The following OR52E5 variants were observed in gnomAD, a reference collection of about 807,000 sequenced individuals.
OR52E5 encodes olfactory receptor family 52 subfamily E member 5.
intron 2 of OR52E5, among the ~76,000 whole-genome samples, chr11:5,896,246 T>TAAAAAAAAAAAAAA (rs56197568): frequency 1.9e-5 from 1 of 53,556 alleles, no homozygotes; most frequent in African/African-American, 9.0e-5. Context: ...TCGTCTCTAC[T>TAAAAAAAAAAAAAA]AAAAAAAAAA....
intron 2 of OR52E5, among the ~76,000 whole-genome samples, chr11:5,897,355 A>G (rs1564996714): frequency 1.3e-5 from 2 of 152,132 alleles, no homozygotes; most frequent in Non-Finnish European, 2.9e-5. Context: ...CCCATTGTTT[A>G]TCTCCCACTT....
chr11:5,901,894 A>C lies in OR52E5; in HGVS notation c.*134A>C, dbSNP rs1473054972. On this transcript the variant is annotated 3_prime_UTR_variant, in exon 3 of 3. Transcript: ENST00000610445. ...CGGTCTGTTGGAAGTTATAGCTCAA[A>C]GATTCCAAAACAATCTCTCTGTTTC... 2.5e-6 allele frequency: 1 copy of C among 398,510 alleles called. No homozygotes were observed. The highest frequency in any genetic ancestry group is 4.4e-6 in the Non-Finnish European group (1 of 225,104). The allele number at this position is 398,510 out of a possible 1,614,324, so 24.7% of individuals were successfully genotyped here. A position where few individuals can be genotyped will look rare whatever the true frequency, so the allele number is the denominator to read the frequency against.
chr11:5,893,747 G>A (rs555879017), intron 1 of OR52E5, among the ~76,000 whole-genome samples: 2 of 152,052 alleles, frequency 1.3e-5, no homozygotes, highest in Non-Finnish European at 2.9e-5. Flanking sequence ...TGCCTCATCT[G>A]AGGTCATGTC....
chr11:5,897,804 T>C (rs965673190), intron 2 of OR52E5, among the ~76,000 whole-genome samples: 4 of 152,196 alleles, frequency 2.6e-5, no homozygotes, highest in Admixed American at 1.3e-4. Context: ...TTTTTAATAA[T>C]AACCATTCTG....
At chr11:5,896,534 T>C (rs565580649) in intron 2 of OR52E5, among the ~76,000 whole-genome samples, 5 of 152,124 alleles carry the variant, frequency 3.3e-5, no homozygotes, top group South Asian at 2.1e-4. Context: ...ATGAAATACA[T>C]TGTATGAGAA....
rs1230494569 is a variant in OR52E5, at chr11:5,901,438, T to C, written c.662T>C (p.Leu221Pro). The change falls in exon 3 of 3, where the codon CTC becomes CCC. Residue 221 changes from leucine to proline, a missense_variant. Leu to Pro is a moderately conservative substitution (Grantham distance 98). Coordinates refer to ENST00000610445, the MANE Select transcript of OR52E5 (RefSeq NM_001005166.5). ...SVIGFSYVQI[L>P]RAVFHLPAWD... ...ATTGGATTTTCCTATGTCCAGATCC[T>C]CCGAGCTGTCTTCCATCTCCCAGCC... 1.0e-5 allele frequency: 4 copies of C among 401,582 alleles called. No homozygotes were observed. The highest frequency in any genetic ancestry group is 8.8e-6 in the Non-Finnish European group (2 of 226,374). 24.9% of individuals were successfully genotyped at this position (401,582 alleles called of 1,614,324 possible).
chr11:5,900,516 T>A (rs1847234795), intron 2 of OR52E5, 116 bp from the exon 3 acceptor site: 2 of 311,120 alleles, frequency 6.4e-6, no homozygotes, highest in Admixed American at 5.0e-5. Context: ...AGGAAAGACA[T>A]GGGAAGTGCA....
chr11:5,893,815 T>C (rs183203701), intron 1 of OR52E5, among the ~76,000 whole-genome samples: 54 of 152,024 alleles, frequency 3.6e-4, no homozygotes, highest in Admixed American at 1.3e-3. Flanking sequence ...ACAAAAAAAA[T>C]AAAAAAGGCT....
intron 2 of OR52E5, among the ~76,000 whole-genome samples, chr11:5,896,858 A>G (rs1847182712): frequency 6.6e-6 from 1 of 152,196 alleles, no homozygotes; most frequent in Non-Finnish European, 1.5e-5. Flanking sequence ...GTAAATGGGG[A>G]CAGAAGTGCC....
Position 5,902,085 on chromosome 11 carries a change from G to C in OR52E5, c.*325G>C, listed in dbSNP as rs1291792017. ...CATATCCAAAGCTGAAGTTCATGAC[G>C]ATTAAAATGATGTGGTATTTCATCA... On this transcript the variant is annotated 3_prime_UTR_variant, in exon 3 of 3. Coordinates refer to ENST00000610445, the MANE Select transcript of OR52E5 (RefSeq NM_001005166.5). 1 of 185,834 alleles carries C rather than the reference G, an allele frequency of 5.4e-6. No homozygotes were observed. The highest frequency in any genetic ancestry group is 2.3e-5 in the African/African-American group (1 of 42,832). The allele number at this position is 185,834 out of a possible 1,614,324, so 11.5% of individuals were successfully genotyped here.
At position 5,901,325 on chromosome 11, in the gene OR52E5, C is replaced by G. The variant is rs979560018; in HGVS notation, c.549C>G (p.His183Gln). 2.5e-6 allele frequency: 1 copy of G among 401,508 alleles called. No homozygotes were observed. The highest frequency in any genetic ancestry group is 2.1e-5 in the African/African-American group (1 of 48,602). The allele number at this position is 401,508 out of a possible 1,614,324, so 24.9% of individuals were successfully genotyped here. Reference sequence around the variant, plus strand: ...TTATCCCTCATACCTATTGTGAACACATGGGCTTGGCAAAGTTAGCTTGTG... The same window carrying G: ...TTATCCCTCATACCTATTGTGAACAGATGGGCTTGGCAAAGTTAGCTTGTG... The part of the protein sequence containing the change: ...VRIIPHTYCE[H>Q]MGLAKLACAS... Residue 183 changes from histidine (H) to glutamine (Q), a missense_variant, in exon 3 of 3, where the codon CAC (histidine) becomes CAG (glutamine). Physicochemically the swap from His to Gln is conservative, Grantham distance 24 (BLOSUM62 0). Transcript: ENST00000610445.
At chr11:5,899,111 G>T (rs936197454) in intron 2 of OR52E5, among the ~76,000 whole-genome samples, 1 of 152,040 alleles carries the variant, frequency 6.6e-6, no homozygotes, top group Non-Finnish European at 1.5e-5. Context: ...TCTTTCATTG[G>T]TGTTTTTTAG....
Position 5,896,420 on chromosome 11 carries a change from C to CAA in OR52E5, c.-146+724_-146+725dup, listed in dbSNP as rs11333518. 7.6e-3 allele frequency among the ~76,000 whole-genome samples: 796 copies of CAA among 104,562 alleles called. 6 individuals carry two copies. Among genetic ancestry groups the CAA allele is most frequent in the African/African-American group, 0.026 (740 of 28,162 alleles). The allele number at this position is 104,562 out of a possible 152,430, so 68.6% of individuals were successfully genotyped here. ...TGGGCGACAGAGTGGGACACTGTGT[C>CAA]AAAAAAAAAAAAAAAAAATCAGAGA... On this transcript the variant is annotated intron_variant, in intron 2 of 2. Coordinates refer to ENST00000610445, the MANE Select transcript of OR52E5 (RefSeq NM_001005166.5).
intron 1 of OR52E5, among the ~76,000 whole-genome samples, chr11:5,893,949 A>T (rs1590400782): frequency 6.6e-6 from 1 of 152,056 alleles, no homozygotes; most frequent in African/African-American, 2.4e-5. Flanking sequence ...ATCCAATCCT[A>T]CCTTCCTGGC....
At chr11:5,893,603 C>A (rs1847133552) in intron 1 of OR52E5, among the ~76,000 whole-genome samples, 1 of 151,852 alleles carries the variant, frequency 6.6e-6, no homozygotes, top group Admixed American at 6.6e-5. Flanking sequence ...AGGATGTTAA[C>A]AGATCATTCC....
In OR52E5 at chr11:5,901,991, G is replaced by A. The variant is rs968234598; in HGVS notation, c.*231G>A. On this transcript the variant is annotated 3_prime_UTR_variant, in exon 3 of 3. Coordinates refer to ENST00000610445, the MANE Select transcript of OR52E5 (RefSeq NM_001005166.5). ...TACAAAATGCCTAAAGAGAAACAAA[G>A]GCTTTGTAAAAGTTATTGCCCAGTA... 9 of 349,836 alleles carry A rather than the reference G, an allele frequency of 2.6e-5. No individual in the cohort carries two copies. The highest frequency in any genetic ancestry group is 3.3e-4 in the Middle Eastern group (1 of 3,002). 21.7% of individuals were successfully genotyped at this position (349,836 alleles called of 1,614,324 possible). A position where few individuals can be genotyped will look rare whatever the true frequency, so the allele number is the denominator to read the frequency against.
In OR52E5 at chr11:5,895,705, A is replaced by G. The variant is rs1847163792; in HGVS notation, c.-154A>G. 6.6e-6 allele frequency: 1 copy of G among 152,246 alleles called. No homozygotes were observed. Among genetic ancestry groups the G allele is most frequent in the Admixed American group, 6.5e-5 (1 of 15,282 alleles). The allele number at this position is 152,246 out of a possible 1,614,324, so 9.4% of individuals were successfully genotyped here. On this transcript the variant is annotated 5_prime_UTR_variant, in exon 2 of 3. Coordinates refer to ENST00000610445, the MANE Select transcript of OR52E5 (RefSeq NM_001005166.5). ...TACATTGGAGGAAACACAATAACTG[A>G]AAAACCAAGTAAGACAATTTGGTAA...
chr11:5,898,753 T>A (rs1252298972), intron 2 of OR52E5, among the ~76,000 whole-genome samples: 1 of 152,174 alleles, frequency 6.6e-6, no homozygotes, highest in East Asian at 1.9e-4. Flanking sequence ...TCGTTGTAGG[T>A]GTGTGGCTTT....
rs1847245680 is a variant in OR52E5 at position 5,901,151 on chromosome 11, T to C, written c.375T>C (p.Tyr125=). The C allele has an allele frequency of 5.0e-6, 2 of 401,456 alleles. No individual in the cohort carries two copies. The highest frequency in any genetic ancestry group is 8.8e-5 in the Admixed American group (2 of 22,742). 24.9% of individuals were successfully genotyped at this position (401,456 alleles called of 1,614,324 possible). ...TGACAGTCACGGGCATAGATCGCTA[T>C]ATTGCCATCTGCAACCCCCTGAGAT... is the stretch of plus-strand genomic sequence containing the variant. ...VVLTVTGIDR[Y]IAICNPLRYS... is the part of the protein sequence containing the mutation. The change falls in exon 3 of 3, where the codon TAT becomes TAC. Residue 125 remains tyrosine, a synonymous_variant. Coordinates refer to ENST00000610445, the MANE Select transcript of OR52E5 (RefSeq NM_001005166.5).
Sources: allele counts gnomAD v4.1 joint callset (sites outside exome capture counted in the v4.1 genomes callset), GRCh38; gene constraint gnomAD v4.1.1; transcripts MANE v1.5; gene names NCBI Gene and HGNC (gene_info 2026-07-23, HGNC 2026-07-21).